Variants in MANEA observed in about 807,000 individuals in gnomAD.
MANEA encodes the protein mannosidase endo-alpha, also known as glycoprotein endo-alpha-1,2-mannosidase.
In MANEA, 25 loss-of-function variants were observed where a neutral mutation model predicts 36.8. The observed-to-expected ratio is 0.68, with a 90% CI of 0.50 to 0.95. The LOEUF is 0.95. MANEA is among the 40% of genes least tolerant of loss of function. The pLI is 0.00. For missense variants in MANEA, 565 were observed against 558.8 expected, an observed-to-expected ratio of 1.01 and a Z score of -0.11; for synonymous variants, 198 against 188.5, an observed-to-expected ratio of 1.05 and a Z score of -0.41.
chr6:95,577,909 C>T (rs985005847), intron 1 of MANEA, among the ~76,000 whole-genome samples: 2 of 152,268 alleles, frequency 1.3e-5, no homozygotes, highest in Non-Finnish European at 2.9e-5. Context: ...TTATCCCCAC[C>T]TCACTGGCCT....
At chr6:95,593,283 A>G (rs1273610040) in intron 2 of MANEA, among the ~76,000 whole-genome samples, 3 of 152,216 alleles carry the variant, frequency 2.0e-5, no homozygotes, top group South Asian at 2.1e-4. Context: ...ATAATGATTA[A>G]TTGGGCTGTG....
chr6:95,581,378 G>C (rs1769179215), intron 1 of MANEA, among the ~76,000 whole-genome samples: 1 of 151,896 alleles, frequency 6.6e-6, no homozygotes, highest in South Asian at 2.1e-4. Flanking sequence ...ATCAGCTTAA[G>C]AAATTACATT....
At chr6:95,592,327 G>C (rs1177166566) in intron 2 of MANEA, among the ~76,000 whole-genome samples, 1 of 152,066 alleles carries the variant, frequency 6.6e-6, no homozygotes, top group African/African-American at 2.4e-5. Flanking sequence ...TAGCTACTTT[G>C]TCCATTAGAT....
Position 95,608,513 on chromosome 6 carries a change from C to G in MANEA, c.*2108C>G, listed in dbSNP as rs1037384841. 7 of 151,874 alleles carry G rather than the reference C, an allele frequency of 4.6e-5. No individual in the cohort carries two copies. The highest frequency in any genetic ancestry group is 1.7e-4 in the African/African-American group (7 of 41,426). 9.4% of individuals were successfully genotyped at this position (151,874 alleles called of 1,614,324 possible). ...TGAGCTTTGTTGTGATTCCTCAACA[C>G]ATTACCCTAACCAGCCAGCAGTAAC... On this transcript the variant is annotated 3_prime_UTR_variant, in exon 5 of 5. Coordinates refer to ENST00000358812, the MANE Select transcript of MANEA (RefSeq NM_024641.4).
intron 2 of MANEA, among the ~76,000 whole-genome samples, chr6:95,593,417 G>A (rs952118360): frequency 6.6e-6 from 1 of 152,150 alleles, no homozygotes; most frequent in South Asian, 2.1e-4. Flanking sequence ...GAGTATACTT[G>A]CAAAGAGGAT....
At chr6:95,586,022 A>C (rs1258656173) in intron 1 of MANEA, among the ~76,000 whole-genome samples, 2 of 152,212 alleles carry the variant, frequency 1.3e-5, no homozygotes, top group African/African-American at 2.4e-5. Context: ...AATGATTTTT[A>C]AACAGAATTT....
Position 95,586,687 on chromosome 6 carries a change from T to C in MANEA, c.248T>C (p.Met83Thr). The change falls in exon 2 of 5, where the codon ATG (methionine) becomes ACG (threonine). Residue 83 changes from methionine to threonine, a missense_variant. Physicochemically the swap from Met to Thr is moderately conservative, Grantham distance 81. Transcript: ENST00000358812. ...TKNLKSVEIT[M>T]KPSKASELNL... ...AATTTAAAAAGTGTTGAAATCACTATGAAACCTTCCAAAGCCTCTGAACTT... is the reference window on the plus strand; with the variant it reads ...AATTTAAAAAGTGTTGAAATCACTACGAAACCTTCCAAAGCCTCTGAACTT... 1 of 1,614,056 alleles carries C rather than the reference T, an allele frequency of 6.2e-7. No homozygotes were observed. Among genetic ancestry groups the C allele is most frequent in the Non-Finnish European group, 8.5e-7 (1 of 1,179,972 alleles).
intron 1 of MANEA, among the ~76,000 whole-genome samples, chr6:95,582,625 A>G (rs1160068398): frequency 1.3e-5 from 2 of 152,196 alleles, no homozygotes; most frequent in Non-Finnish European, 2.9e-5. Context: ...AACAGCTCAC[A>G]TTCTTCTATT....
At position 95,596,768 on chromosome 6, in the gene MANEA, T is replaced by G; in HGVS notation, c.576T>G (p.Asp192Glu). Residue 192 changes from aspartate to glutamate, a missense_variant, in exon 3 of 5, where the codon GAT becomes GAG. Physicochemically the swap from Asp to Glu is conservative, Grantham distance 45. Transcript: ENST00000358812. ...TAGCCCTCTCTTGGTACCCACCTGA[T>G]GTAAATGATGAAAATGGAGAACCTA... ...GVLALSWYPPDVNDENGEPTD... is the reference protein window; with the variant it reads ...GVLALSWYPPEVNDENGEPTD... 1.2e-6 allele frequency: 2 copies of G among 1,607,774 alleles called. No homozygotes were observed. The highest frequency in any genetic ancestry group is 1.7e-6 in the Non-Finnish European group (2 of 1,174,508).
At chr6:95,605,216 T>A (rs1769676351) in intron 4 of MANEA, among the ~76,000 whole-genome samples, 1 of 152,122 alleles carries the variant, frequency 6.6e-6, no homozygotes, top group South Asian at 2.1e-4. Flanking sequence ...AGCTTTATCT[T>A]TTTAAAAAGA....
intron 1 of MANEA, among the ~76,000 whole-genome samples, chr6:95,583,504 GTATACATA>G (rs1290503272): frequency 1.3e-5 from 2 of 151,918 alleles, no homozygotes; most frequent in East Asian, 3.9e-4. Context: ...CGTATATACA[GTATACATA>G]TATACATATA....
At position 95,586,675 on chromosome 6, in the gene MANEA, T is replaced by C; in HGVS notation, c.236T>C (p.Val79Ala). Reference sequence around the variant, plus strand: ...ACAAATACCAAGAATTTAAAAAGTGTTGAAATCACTATGAAACCTTCCAAA... The same window carrying C: ...ACAAATACCAAGAATTTAAAAAGTGCTGAAATCACTATGAAACCTTCCAAA... ...SETNTKNLKS[V>A]EITMKPSKAS... Residue 79 changes from valine to alanine, a missense_variant, in exon 2 of 5, where the codon GTT becomes GCT. Val to Ala is a moderately conservative substitution (Grantham distance 64, BLOSUM62 0). Transcript: ENST00000358812. 1 of 1,614,022 alleles carries C rather than the reference T, an allele frequency of 6.2e-7. No homozygotes were observed. Among genetic ancestry groups the C allele is most frequent in the Non-Finnish European group, 8.5e-7 (1 of 1,179,960 alleles).
At chr6:95,580,197 T>C (rs1468357926) in intron 1 of MANEA, among the ~76,000 whole-genome samples, 1 of 152,112 alleles carries the variant, frequency 6.6e-6, no homozygotes, top group Non-Finnish European at 1.5e-5. Flanking sequence ...GTAGTCTATA[T>C]ATACACACAC....
chr6:95,599,732 G>T lies in MANEA; in HGVS notation c.654+2886G>T, dbSNP rs572174704. ...GTAGGGAGTGAGAAAGAGCTAAATAGGCAAGCATTTTTTTATTTCTGTCCA... is the reference window on the plus strand; with the variant it reads ...GTAGGGAGTGAGAAAGAGCTAAATATGCAAGCATTTTTTTATTTCTGTCCA... On this transcript the variant is annotated intron_variant, in intron 3 of 4. Transcript: ENST00000358812. 8.5e-5 allele frequency among the ~76,000 whole-genome samples: 13 copies of T among 152,292 alleles called. No homozygotes were observed. The South Asian group carries it at 2.7e-3, about 32-fold the overall frequency.
Position 95,604,865 on chromosome 6 carries a change from T to C in MANEA, c.693T>C (p.Asp231=), listed in dbSNP as rs754238221. The C allele has an allele frequency of 2.0e-6, 3 of 1,489,514 alleles. No homozygotes were observed. The highest frequency in any genetic ancestry group is 4.1e-5 in the Admixed American group (2 of 48,530). 92.3% of individuals were successfully genotyped at this position (1,489,514 alleles called of 1,614,324 possible). ...FHIEPYSNRD[D]QNMYKNVKYI... ...TAGAACCATATAGCAATCGAGATGA[T>C]CAAAACATGTACAAAAATGTCAAGT... Residue 231 remains aspartate, a synonymous_variant, in exon 4 of 5, where the codon GAT becomes GAC. Transcript: ENST00000358812.
In MANEA at chr6:95,606,156, G is replaced by C. The variant is rs373472819; in HGVS notation, c.1140G>C (p.Lys380Asn). 1 of 1,613,922 alleles carries C rather than the reference G, an allele frequency of 6.2e-7. No individual in the cohort carries two copies. The highest frequency in any genetic ancestry group is 8.5e-7 in the Non-Finnish European group (1 of 1,179,978). The part of the protein sequence containing the change: ...TQNTRNRING[K>N]YYEIGLSAAL... ...ACACTCGGAACCGAATCAATGGGAA[G>C]TATTATGAAATTGGTCTGAGTGCCG... Residue 380 changes from lysine (K) to asparagine (N), a missense_variant, in exon 5 of 5, where the codon AAG becomes AAC. By Grantham distance (94) the Lys-to-Asn change is moderately conservative (BLOSUM62 0). Transcript: ENST00000358812.
Position 95,595,659 on chromosome 6 carries a change from A to C in MANEA, c.545-1078A>C, listed in dbSNP as rs528691277. ...TCTGCCTTAAAGAGTCTGTTTATTT[A>C]TCTAGAAATTTGTGCAATCTTTCTA... is the stretch of plus-strand genomic sequence containing the variant. On this transcript the variant is annotated intron_variant, in intron 2 of 4. Coordinates refer to ENST00000358812, the MANE Select transcript of MANEA (RefSeq NM_024641.4). Among the ~76,000 whole-genome samples, 9 of 152,230 alleles carry C rather than the reference A, an allele frequency of 5.9e-5. No individual in the cohort carries two copies. The East Asian group carries it at 1.7e-3, about 29-fold the overall frequency.
intron 1 of MANEA, among the ~76,000 whole-genome samples, chr6:95,584,760 A>G (rs558650954): frequency 1.3e-5 from 2 of 152,282 alleles, no homozygotes; most frequent in African/African-American, 4.8e-5. Context: ...GGTGGGCATC[A>G]TGGTCCTACC....
intron 2 of MANEA, among the ~76,000 whole-genome samples, chr6:95,592,207 A>G (rs1020230727): frequency 5.9e-5 from 9 of 152,226 alleles, no homozygotes; most frequent in African/African-American, 1.2e-4. Flanking sequence ...TAATGAGCCT[A>G]TTAAAGGCAT....
Sources: gnomAD v4.1 joint callset for allele counts (sites outside exome capture counted in the v4.1 genomes callset) on GRCh38, gnomAD v4.1.1 for gene constraint, MANE v1.5 for transcripts, NCBI Gene and HGNC (gene_info 2026-07-23, HGNC 2026-07-21) for gene names.